HIF3A: variants seen among roughly 807,000 people sequenced by gnomAD.
HIF3A encodes hypoxia inducible factor 3 subunit alpha.
Under a neutral mutation model 67.2 loss-of-function variants are expected in HIF3A, and 41 were observed. The observed-to-expected ratio is 0.61, with a 90% CI of 0.48 to 0.79. The LOEUF (loss-of-function observed/expected upper bound fraction) is 0.79, where lower values mean the gene tolerates loss of function less well. Among genes scored for constraint, HIF3A ranks in the 30% least tolerant of loss-of-function variants. The probability of loss-of-function intolerance (pLI) is 0.00; values close to 1 mark genes in which losing one functional copy is unlikely to be tolerated. For missense variants in HIF3A, 855 were observed against 898.0 expected, an observed-to-expected ratio of 0.95 and a Z score of 0.61; for synonymous variants, 356 against 374.8, an observed-to-expected ratio of 0.95 and a Z score of 0.58.
In HIF3A at chr19:46,308,491, C is replaced by A. The variant is rs1012579231; in HGVS notation, c.449-172C>A. On this transcript the variant is annotated intron_variant, in intron 4 of 14. Coordinates refer to ENST00000377670, the MANE Select transcript of HIF3A (RefSeq NM_152795.4). ...CCTGGGGGGGTCTGAGGGGACACAG[C>A]CCTGCCCTGGGGGGTCCAAGGGGAC... 2.1e-4 allele frequency: 133 copies of A among 631,626 alleles called. No individual in the cohort carries two copies. In the African/African-American group the frequency reaches 2.4e-3, roughly 11 times the overall value. The allele number at this position is 631,626 out of a possible 1,614,324, so 39.1% of individuals were successfully genotyped here.
intron 11 of HIF3A, among the ~76,000 whole-genome samples, chr19:46,326,231 C>A (rs1970769240): frequency 6.6e-6 from 1 of 152,196 alleles, no homozygotes; most frequent in Non-Finnish European, 1.5e-5. Flanking sequence ...TCACGTGAAC[C>A]TCTACATAGA....
At chr19:46,329,975 AAGAT>A (rs1260174205) in intron 12 of HIF3A, among the ~76,000 whole-genome samples, 299 of 147,388 alleles carry the variant, frequency 2.0e-3, no homozygotes, top group African/African-American at 7.5e-3. Context: ...AAAAAAAAAA[AAGAT>A]AGAGAGAGAG....
intron 6 of HIF3A, chr19:46,310,703 G>A (rs764444924): frequency 5.4e-5 from 22 of 410,908 alleles, no homozygotes; most frequent in East Asian, 4.0e-4. Flanking sequence ...TGAGTTTCCC[G>A]GTGCAAAGCA....
At position 46,312,736 on chromosome 19, in the gene HIF3A, T is replaced by TGTGTGTGC. The variant is rs112043937; in HGVS notation, c.1025+84_1025+85insTGTGTGCG. The TGTGTGTGC allele has an allele frequency of 1.3e-3, 1,952 of 1,500,618 alleles. 2 individuals are homozygous for TGTGTGTGC. Among genetic ancestry groups the TGTGTGTGC allele is most frequent in the East Asian group, 9.1e-3 (395 of 43,310 alleles). 93.0% of individuals were successfully genotyped at this position (1,500,618 alleles called of 1,614,324 possible). On this transcript the variant is annotated intron_variant, in intron 8 of 14. Transcript: ENST00000377670. Reference sequence around the variant, plus strand: ...AGGTGTGTGTGTGTGTGTGTGTGTGTGCGTATGAGCATGCATGTGTATCAT... The same window carrying TGTGTGTGC: ...AGGTGTGTGTGTGTGTGTGTGTGTGTGTGTGTGCGCGTATGAGCATGCATGTGTATCAT...
chr19:46,304,274 A>C, intron 2 of HIF3A, 186 bp downstream of exon 2: 1 of 595,150 alleles, frequency 1.7e-6, no homozygotes, highest in Non-Finnish European at 3.0e-6. Context: ...GCCCCCTTTG[A>C]GTTCCTGGCC....
intron 8 of HIF3A, among the ~76,000 whole-genome samples, chr19:46,318,301 C>T (rs1436078040): frequency 6.6e-6 from 1 of 151,364 alleles, no homozygotes; most frequent in Non-Finnish European, 1.5e-5. Context: ...GGCATGGTAA[C>T]TCACACCTGT....
At chr19:46,298,423 C>T (rs1968039472) in intron 1 of HIF3A, 2 of 1,288,480 alleles carry the variant, frequency 1.6e-6, no homozygotes, top group African/African-American at 3.0e-5. Context: ...GCCGTGCGCA[C>T]CCACTCGTAA....
In HIF3A at chr19:46,303,963, C is replaced by T. The variant is rs1968573422; in HGVS notation, c.92C>T (p.Thr31Ile). ...DAARSRRSQE[T>I]EVLYQLAHTL... ...GCCCGCAGCCGGCGCAGCCAGGAGA[C>T]CGAGGTGCTGTACCAGCTGGCTCAC... Residue 31 changes from threonine to isoleucine, a missense_variant, in exon 2 of 15, where the codon ACC becomes ATC. Around this residue, in one of 3 missense-constraint regions of HIF3A, gnomAD observed 638 missense variants for 660.5 expected, o/e 0.97. Transcript: ENST00000377670. 1.9e-6 allele frequency: 3 copies of T among 1,605,302 alleles called. No individual in the cohort carries two copies. Among genetic ancestry groups the T allele is most frequent in the Non-Finnish European group, 2.5e-6 (3 of 1,176,520 alleles).
intron 11 of HIF3A, among the ~76,000 whole-genome samples, chr19:46,326,334 A>G (rs764000991): frequency 6.6e-6 from 1 of 152,350 alleles, no homozygotes; most frequent in Non-Finnish European, 1.5e-5. Flanking sequence ...GTAGAGAGAT[A>G]GAAAGTACAA....
Position 46,311,505 on chromosome 19 carries a change from CTG to C in HIF3A, c.771-654_771-653del, listed in dbSNP as rs559334119. On this transcript the variant is annotated intron_variant, in intron 6 of 14. Transcript: ENST00000377670. ...CCTTCTGGAGGCTCCAGGAAAGAAT[CTG>C]TTTCCCTGCCTTTTCCAGCTGCTAG... Among the ~76,000 whole-genome samples the C allele has an allele frequency of 2.8e-3, 431 of 152,308 alleles. 3 individuals carry two copies. The highest frequency in any genetic ancestry group is 0.014 in the Middle Eastern group (4 of 294).
At chr19:46,333,788 C>CTTTTTTTTTTTTTTTTTTTT (rs1165101162) in intron 13 of HIF3A, among the ~76,000 whole-genome samples, 21 of 103,566 alleles carry the variant, frequency 2.0e-4, no homozygotes, top group African/African-American at 3.8e-4. Context: ...TTCTTTCTTT[C>CTTTTTTTTTTTTTTTTTTTT]TTTTTTTTTT....
chr19:46,308,203 C>T lies in HIF3A; in HGVS notation c.364-18C>T. The T allele has an allele frequency of 6.3e-7, 1 of 1,576,240 alleles. No individual in the cohort carries two copies. Among genetic ancestry groups the T allele is most frequent in the Non-Finnish European group, 8.7e-7 (1 of 1,145,504 alleles). On this transcript the variant is annotated intron_variant, in intron 3 of 14. Transcript: ENST00000377670. ...GTCAGAAGCCCTGGTAGACCCCCACCCCTCTCATCCCTGGCAGCTGGAGCT... is the reference window on the plus strand; with the variant it reads ...GTCAGAAGCCCTGGTAGACCCCCACTCCTCTCATCCCTGGCAGCTGGAGCT...
chr19:46,339,345 A>C (rs1971844268), intron 14 of HIF3A, among the ~76,000 whole-genome samples, 180 bp from the exon 15 acceptor site: 1 of 152,252 alleles, frequency 6.6e-6, no homozygotes, highest in South Asian at 2.1e-4. Context: ...GTGTGCTCTC[A>C]TGGCAACTAG....
At position 46,312,222 on chromosome 19, in the gene HIF3A, A is replaced by G. The variant is rs1969493899; in HGVS notation, c.832A>G (p.Ile278Val). 6.2e-7 allele frequency: 1 copy of G among 1,613,812 alleles called. No individual in the cohort carries two copies. ...DLIGCSAYEY[I>V]HALDSDAVSK... is the part of the protein sequence containing the mutation. Reference sequence around the variant, plus strand: ...GATCGGCTGTTCCGCCTACGAGTACATCCACGCGCTGGACTCCGATGCGGT... The same window carrying G: ...GATCGGCTGTTCCGCCTACGAGTACGTCCACGCGCTGGACTCCGATGCGGT... Residue 278 changes from isoleucine to valine, a missense_variant, in exon 7 of 15, where the codon ATC (isoleucine) becomes GTC (valine). Ile to Val is a conservative substitution (Grantham distance 29, BLOSUM62 3). Around this residue, in one of 3 missense-constraint regions of HIF3A, gnomAD observed 638 missense variants for 660.5 expected, o/e 0.97. Coordinates refer to ENST00000377670, the MANE Select transcript of HIF3A (RefSeq NM_152795.4).
chr19:46,303,587 G>A, intron 1 of HIF3A: 2 of 1,546,592 alleles, frequency 1.3e-6, no homozygotes, highest in Middle Eastern at 1.7e-4. Context: ...CCTAGCCTGG[G>A]AAATAAACTG....
At chr19:46,309,837 A>G (rs968446678) in intron 6 of HIF3A, among the ~76,000 whole-genome samples, 1 of 152,164 alleles carries the variant, frequency 6.6e-6, no homozygotes, top group Non-Finnish European at 1.5e-5. Context: ...CGGCAGTACC[A>G]GCACTTAGGG....
At chr19:46,329,000 A>C (rs987159596) in intron 11 of HIF3A, 1 of 453,668 alleles carries the variant, frequency 2.2e-6, no homozygotes, top group Non-Finnish European at 3.9e-6. Context: ...CTGGGATTAC[A>C]GGTGTGAGCT....
At chr19:46,298,215 T>TCCCCCCCC in intron 1 of HIF3A, 1 of 273,776 alleles carries the variant, frequency 3.7e-6, no homozygotes, top group Non-Finnish European at 7.2e-6. Flanking sequence ...ACCGCCCCCA[T>TCCCCCCCC]CCTCTCCCCT....
chr19:46,324,911 C>T (rs534925621), intron 10 of HIF3A, among the ~76,000 whole-genome samples: 10 of 143,828 alleles, frequency 7.0e-5, no homozygotes, highest in African/African-American at 2.6e-4. Context: ...TATATATACA[C>T]ACACACATAT....
Sources: gnomAD v4.1 joint callset for allele counts (sites outside exome capture counted in the v4.1 genomes callset) on GRCh38, gnomAD v4.1.1 for gene constraint, gnomAD v4.1.1 regional missense constraint, MANE v1.5 for transcripts, NCBI Gene and HGNC (gene_info 2026-07-23, HGNC 2026-07-21) for gene names.